Variants in SUSD4 observed in about 807,000 individuals in gnomAD.
SUSD4 encodes the protein sushi domain containing 4.
SUSD4 carries 41 observed loss-of-function variants against 50.5 expected under a neutral mutation model. That is an observed-to-expected ratio of 0.81 (90% CI 0.63 to 1.05). The LOEUF (loss-of-function observed/expected upper bound fraction) is 1.05. Ranked by LOEUF, SUSD4 falls within the 50% of genes least tolerant of loss-of-function variation. The pLI is 0.00. For synonymous variants in SUSD4, 257 were observed against 257.3 expected (o/e 1.00, Z 0.01); for missense variants, 580 against 634.7 (o/e 0.91, Z 0.93).
intron 5 of SUSD4, among the ~76,000 whole-genome samples, chr1:223,236,282 TC>T (rs1660214638): frequency 6.6e-6 from 1 of 152,236 alleles, no homozygotes; most frequent in South Asian, 2.1e-4. Context: ...GCAAATATTT[TC>T]TACAAGTGTG....
chr1:223,327,101 A>C (rs1332714537), intron 2 of SUSD4, among the ~76,000 whole-genome samples: 2 of 152,212 alleles, frequency 1.3e-5, no homozygotes, highest in Non-Finnish European at 2.9e-5. Flanking sequence ...CCAAGTGTCC[A>C]CTGATTAAAG....
Position 223,231,474 on chromosome 1 carries a change from C to T in SUSD4, c.725-2086G>A, listed in dbSNP as rs558213720. Among the ~76,000 whole-genome samples the T allele has an allele frequency of 6.6e-6, 1 of 152,316 alleles. No individual in the cohort carries two copies. Among genetic ancestry groups the T allele is most frequent in the East Asian group, 1.9e-4 (1 of 5,182 alleles). On this transcript the variant is annotated intron_variant, in intron 5 of 8. Transcript: ENST00000366878. The surrounding 1 kb of genome is among the most constrained non-coding windows in gnomAD (Gnocchi z 4.2). ...TCTGAGGCCCAGGAGCTTTCTGCTG[C>T]TCTGCCTCAGGGTCTCTCCTGGGCT...
intron 5 of SUSD4, among the ~76,000 whole-genome samples, chr1:223,252,234 A>AT (rs1553285698): frequency 0.037 from 2,724 of 74,050 alleles, 55 homozygotes; most frequent in East Asian, 0.12. Flanking sequence ...AAAAAAAAAA[A>AT]AAATATATAT....
At chr1:223,224,606 G>C (rs926780018) in intron 7 of SUSD4, among the ~76,000 whole-genome samples, 2 of 152,170 alleles carry the variant, frequency 1.3e-5, no homozygotes, top group South Asian at 2.1e-4. Flanking sequence ...AGCAAGGCCC[G>C]GGTTGCTGGT....
chr1:223,265,132 A>T (rs1332351861), intron 4 of SUSD4, among the ~76,000 whole-genome samples: 1 of 152,186 alleles, frequency 6.6e-6, no homozygotes, highest in African/African-American at 2.4e-5. Flanking sequence ...ACTGCGTTTC[A>T]GCATCACCTG....
chr1:223,348,324 T>C (rs1668156426), intron 2 of SUSD4, among the ~76,000 whole-genome samples: 1 of 152,248 alleles, frequency 6.6e-6, no homozygotes, highest in Non-Finnish European at 1.5e-5. Flanking sequence ...ATGAATTTTT[T>C]TCCACTCATA....
chr1:223,308,334 C>T (rs529454638), intron 2 of SUSD4, among the ~76,000 whole-genome samples: 59 of 152,116 alleles, frequency 3.9e-4, no homozygotes, highest in Non-Finnish European at 7.4e-4. Context: ...TGGCACCTCC[C>T]CCACCCTCTT....
chr1:223,222,293 A>C, intron 8 of SUSD4, 73 bp from the exon 9 acceptor site: 1 of 1,490,780 alleles, frequency 6.7e-7, no homozygotes, highest in East Asian at 2.3e-5. Flanking sequence ...TATATGCCTC[A>C]TTAAAATATC....
intron 7 of SUSD4, among the ~76,000 whole-genome samples, chr1:223,224,123 G>A (rs1437390043): frequency 2.6e-5 from 4 of 152,192 alleles, no homozygotes; most frequent in African/African-American, 9.6e-5. Flanking sequence ...TTTTGCTTGA[G>A]CCCAGGAGTT....
rs546680016 is a variant in SUSD4, at chr1:223,345,776, G to A, written c.148+17502C>T. Among the ~76,000 whole-genome samples, 14 of 152,254 alleles carry A rather than the reference G, an allele frequency of 9.2e-5. No individual in the cohort carries two copies. The East Asian group carries it at 2.1e-3, about 23-fold the overall frequency. ...TCCTGACATCTCCATTGCAGTTAATGACTCCATGCTTCTTCTCTCTCATGC... is the reference window on the plus strand; with the variant it reads ...TCCTGACATCTCCATTGCAGTTAATAACTCCATGCTTCTTCTCTCTCATGC... On this transcript the variant is annotated intron_variant, in intron 2 of 8. Transcript: ENST00000366878.
At chr1:223,248,500 T>C (rs1312131998) in intron 5 of SUSD4, among the ~76,000 whole-genome samples, 2 of 152,204 alleles carry the variant, frequency 1.3e-5, no homozygotes, top group Admixed American at 6.5e-5. Context: ...GTCCTGGCCA[T>C]CTCCATGACT....
chr1:223,348,599 G>A (rs999270841), intron 2 of SUSD4, among the ~76,000 whole-genome samples: 1 of 152,160 alleles, frequency 6.6e-6, no homozygotes, highest in Admixed American at 6.5e-5. Flanking sequence ...TAAAGGGACA[G>A]CTCTGATGCC....
chr1:223,223,053 A>G (rs1398952335), intron 8 of SUSD4, among the ~76,000 whole-genome samples, 196 bp downstream of exon 8: 2 of 152,222 alleles, frequency 1.3e-5, no homozygotes, highest in African/African-American at 2.4e-5. Context: ...GATGATGATC[A>G]TTCCCTACAA....
chr1:223,289,278 C>T, intron 3 of SUSD4: 4 of 985,468 alleles, frequency 4.1e-6, no homozygotes, highest in Non-Finnish European at 4.8e-6. Flanking sequence ...GCAGAAGCAG[C>T]TTGAAGAAGC....
rs1463891273 is a variant in SUSD4 at position 223,263,465 on chromosome 1, C to T, written c.724+1165G>A. 1.0e-5 allele frequency: 8 copies of T among 782,270 alleles called. No individual in the cohort carries two copies. The African/African-American group carries it at 1.1e-4, about 11-fold the overall frequency. 48.5% of individuals were successfully genotyped at this position (782,270 alleles called of 1,614,324 possible). A position where few individuals can be genotyped will look rare whatever the true frequency, so the allele number is the denominator to read the frequency against. On this transcript the variant is annotated intron_variant, in intron 5 of 8. Coordinates refer to ENST00000366878, the MANE Select transcript of SUSD4 (RefSeq NM_017982.4). ...CTGAAATTCAAATTTATCTGTGTAT[C>T]CTGTATTTTATCTGGCATCTCTAGG...
intron 5 of SUSD4, among the ~76,000 whole-genome samples, chr1:223,245,794 G>T (rs1558177871): frequency 6.6e-6 from 1 of 151,810 alleles, no homozygotes; most frequent in Non-Finnish European, 1.5e-5. Flanking sequence ...TGACTTGAAT[G>T]TTATTCCTCT....
intron 2 of SUSD4, among the ~76,000 whole-genome samples, chr1:223,310,593 A>T (rs1398266206): frequency 6.6e-6 from 1 of 152,250 alleles, no homozygotes; most frequent in Non-Finnish European, 1.5e-5. Context: ...ACGTGTGCAC[A>T]TGGAAAAAAA....
chr1:223,337,492 G>A (rs1558262637), intron 2 of SUSD4, among the ~76,000 whole-genome samples: 1 of 152,192 alleles, frequency 6.6e-6, no homozygotes, highest in African/African-American at 2.4e-5. Flanking sequence ...ATGAACTCCT[G>A]TAAATACGGG....
At chr1:223,252,231 AAAAAAATATAT>A (rs1376741759) in intron 5 of SUSD4, among the ~76,000 whole-genome samples, 4 of 65,258 alleles carry the variant, frequency 6.1e-5, no homozygotes, top group African/African-American at 9.0e-5. Context: ...AAAAAAAAAA[AAAAAAATATAT>A]ATATATATAT....
Sources: allele counts gnomAD v4.1 joint callset (sites outside exome capture counted in the v4.1 genomes callset), GRCh38; gene constraint gnomAD v4.1.1; non-coding constraint Gnocchi (gnomAD v3.1); transcripts MANE v1.5; gene names NCBI Gene and HGNC (gene_info 2026-07-23, HGNC 2026-07-21).